Variants in ITGBL1 observed in about 807,000 individuals in gnomAD.
ITGBL1 encodes integrin subunit beta like 1.
ITGBL1 carries 51 observed loss-of-function variants against 68.5 expected under a neutral mutation model. The ratio of observed to expected loss-of-function variants is 0.74; its 90% confidence interval spans 0.59 to 0.94. The LOEUF (loss-of-function observed/expected upper bound fraction) is 0.94. ITGBL1 is among the 40% of genes least tolerant of loss of function. ITGBL1 has a pLI of 0.00. For missense variants in ITGBL1, 649 were observed against 647.4 expected (o/e 1.00, Z -0.03); for synonymous variants, 209 against 227.3 (o/e 0.92, Z 0.72).
intron 2 of ITGBL1, among the ~76,000 whole-genome samples, chr13:101,553,686 C>T (rs574292752): frequency 5.9e-5 from 9 of 151,820 alleles, no homozygotes; most frequent in South Asian, 2.1e-4. Flanking sequence ...GAGCTTCTGG[C>T]GGCTGATGAC....
At chr13:101,515,500 C>T (rs778452711) in intron 2 of ITGBL1, among the ~76,000 whole-genome samples, 43 of 151,974 alleles carry the variant, frequency 2.8e-4, no homozygotes, top group Admixed American at 2.0e-4. Context: ...TTGTGTTAGC[C>T]GAGAACCATT....
At chr13:101,529,664 G>C (rs1376936394) in intron 2 of ITGBL1, among the ~76,000 whole-genome samples, 7 of 152,190 alleles carry the variant, frequency 4.6e-5, no homozygotes, top group Admixed American at 4.6e-4. Flanking sequence ...GATCACGGGG[G>C]TGGTTTCCCT....
At chr13:101,459,627 C>A (rs962997603) in intron 2 of ITGBL1, among the ~76,000 whole-genome samples, 3 of 152,018 alleles carry the variant, frequency 2.0e-5, no homozygotes, top group Admixed American at 6.6e-5. Flanking sequence ...GTAGTCCCAG[C>A]TACTAGGGAG....
At chr13:101,596,055 GTATA>G (rs35790423) in intron 6 of ITGBL1, among the ~76,000 whole-genome samples, 3 of 151,532 alleles carry the variant, frequency 2.0e-5, no homozygotes, top group Admixed American at 6.6e-5. Context: ...GTGTGTGTGT[GTATA>G]TATATATATC....
intron 7 of ITGBL1, among the ~76,000 whole-genome samples, chr13:101,635,451 G>A (rs2032140079): frequency 1.3e-5 from 2 of 151,982 alleles, no homozygotes; most frequent in South Asian, 2.1e-4. Flanking sequence ...ACTCATGCTA[G>A]TCATAGATAT....
At chr13:101,611,018 G>A (rs1302060764) in intron 7 of ITGBL1, among the ~76,000 whole-genome samples, 2 of 152,140 alleles carry the variant, frequency 1.3e-5, no homozygotes, top group Admixed American at 6.6e-5. Context: ...GGAATAATGT[G>A]TAAAGAACAG....
intron 2 of ITGBL1, among the ~76,000 whole-genome samples, chr13:101,553,513 G>T (rs2049954502): frequency 6.6e-6 from 1 of 152,090 alleles, no homozygotes; most frequent in African/African-American, 2.4e-5. Flanking sequence ...TTCTGCCTTG[G>T]TTTGCAAGGG....
At chr13:101,493,898 A>G (rs963516293) in intron 2 of ITGBL1, among the ~76,000 whole-genome samples, 12 of 152,212 alleles carry the variant, frequency 7.9e-5, no homozygotes, top group African/African-American at 2.9e-4. Context: ...TTCTAATTTC[A>G]GATCCATTTA....
intron 2 of ITGBL1, among the ~76,000 whole-genome samples, chr13:101,554,442 A>T (rs532182541): frequency 2.6e-5 from 4 of 152,290 alleles, no homozygotes; most frequent in African/African-American, 9.6e-5. Flanking sequence ...TTACACGATG[A>T]CATCTGTATT....
chr13:101,542,535 G>T (rs1264808787), intron 2 of ITGBL1, among the ~76,000 whole-genome samples: 3 of 152,148 alleles, frequency 2.0e-5, no homozygotes, highest in Admixed American at 2.0e-4. Flanking sequence ...ATATTCTGTT[G>T]ATTTGGGGTG....
At chr13:101,600,838 G>C (rs144019918) in intron 7 of ITGBL1, among the ~76,000 whole-genome samples, 9,530 of 152,206 alleles carry the variant, frequency 0.063, 872 homozygotes, top group African/African-American at 0.21. Flanking sequence ...GTTTCGGTTT[G>C]CCAGTATTTG....
In ITGBL1 at chr13:101,454,045, C is replaced by G; in HGVS notation, c.261C>G (p.Pro87=). ...HVTEPGMFFG[P]LCECHEWVCE... ...CTGAGCCGGGCATGTTCTTCGGGCC[C>G]CTGTGTGAGTGCCATGAGTGGGTGT... The change falls in exon 2 of 11, where the codon CCC becomes CCG. Residue 87 remains proline, a synonymous_variant. Transcript: ENST00000376180. 6.3e-7 allele frequency: 1 copy of G among 1,593,650 alleles called. No homozygotes were observed. The highest frequency in any genetic ancestry group is 8.5e-7 in the Non-Finnish European group (1 of 1,170,652).
chr13:101,611,912 GACTA>G (rs1191482067), intron 7 of ITGBL1, among the ~76,000 whole-genome samples: 9 of 152,094 alleles, frequency 5.9e-5, no homozygotes, highest in African/African-American at 1.9e-4. Context: ...ACTAAGATCT[GACTA>G]ACTACGTCTC....
At chr13:101,655,302 T>C (rs1461420537) in intron 7 of ITGBL1, among the ~76,000 whole-genome samples, 1 of 152,186 alleles carries the variant, frequency 6.6e-6, no homozygotes, top group Non-Finnish European at 1.5e-5. Context: ...TTTTCTTATG[T>C]GGGAGGAGTG....
At chr13:101,638,910 G>A (rs185398705) in intron 7 of ITGBL1, among the ~76,000 whole-genome samples, 113 of 152,192 alleles carry the variant, frequency 7.4e-4, no homozygotes, top group African/African-American at 2.2e-3. Context: ...GCTTTTAATC[G>A]TGAACAGTCA....
chr13:101,539,769 T>C (rs575107495), intron 2 of ITGBL1, among the ~76,000 whole-genome samples: 2 of 151,984 alleles, frequency 1.3e-5, no homozygotes, highest in South Asian at 4.2e-4. Flanking sequence ...TGGTATCTCA[T>C]TGTGGTTTTG....
At chr13:101,609,486 A>G (rs2031024432) in intron 7 of ITGBL1, among the ~76,000 whole-genome samples, 1 of 152,114 alleles carries the variant, frequency 6.6e-6, no homozygotes, top group Admixed American at 6.6e-5. Flanking sequence ...CATAATCTGC[A>G]TATGTGAAAA....
intron 7 of ITGBL1, among the ~76,000 whole-genome samples, chr13:101,617,888 A>T (rs1018625142): frequency 5.3e-5 from 8 of 152,206 alleles, no homozygotes; most frequent in Non-Finnish European, 1.0e-4. Flanking sequence ...TTAATGGATC[A>T]TGAAGCAGTA....
chr13:101,497,388 G>T (rs2048872054), intron 2 of ITGBL1, among the ~76,000 whole-genome samples: 1 of 152,110 alleles, frequency 6.6e-6, no homozygotes, highest in Admixed American at 6.5e-5. Flanking sequence ...AGTAGCAGGC[G>T]ATGGAGCCAG....
Sources: allele counts gnomAD v4.1 joint callset (sites outside exome capture counted in the v4.1 genomes callset), GRCh38; gene constraint gnomAD v4.1.1; transcripts MANE v1.5; gene names NCBI Gene and HGNC (gene_info 2026-07-23, HGNC 2026-07-21).